The following BTD variants were observed in gnomAD, a reference collection of about 807,000 sequenced individuals.
BTD encodes biotinidase.
A neutral mutation model predicts 17.7 loss-of-function variants in BTD; 13 were observed. The ratio of observed to expected loss-of-function variants is 0.74; its 90% CI spans 0.48 to 1.17. BTD has a LOEUF of 1.17. Among genes scored for constraint, BTD ranks in the 50% most tolerant of loss-of-function variants. The probability of loss-of-function intolerance (pLI) is 0.00; values close to 1 mark genes in which losing one functional copy is unlikely to be tolerated. For synonymous variants in BTD, 240 were observed against 245.2 expected (o/e 0.98, Z 0.20); for missense variants, 674 against 650.4 (o/e 1.04, Z -0.39).
At position 15,648,805 on chromosome 3, in the gene BTD, A is replaced by G. The variant is rs937761627; in HGVS notation, c.*3317A>G. Among the ~76,000 whole-genome samples, 2 of 152,150 alleles carry G rather than the reference A, an allele frequency of 1.3e-5. No homozygotes were observed. The highest frequency in any genetic ancestry group is 4.8e-5 in the African/African-American group (2 of 41,442). ...CTAGAGTAACTGGGCCCTTAATCCA[A>G]TATGACATGTCCTTATCAGAAGAGG... On this transcript the variant is annotated 3_prime_UTR_variant, in exon 4 of 4. Coordinates refer to ENST00000643237, the MANE Select transcript of BTD (RefSeq NM_001370658.1).
At chr3:15,643,306 G>A (rs2065587961) in intron 3 of BTD, among the ~76,000 whole-genome samples, 1 of 152,104 alleles carries the variant, frequency 6.6e-6, no homozygotes, top group Non-Finnish European at 1.5e-5. Context: ...TTCAAGACCA[G>A]CCTGGCCAAC....
At position 15,635,728 on chromosome 3, in the gene BTD, A is replaced by G. The variant is rs757992297; in HGVS notation, c.249+40A>G. 1 of 1,613,354 alleles carries G rather than the reference A, an allele frequency of 6.2e-7. No individual in the cohort carries two copies. Among genetic ancestry groups the G allele is most frequent in the East Asian group, 2.2e-5 (1 of 44,890 alleles). Reference sequence around the variant, plus strand: ...CGGAACCTGAGTTTCTCTCATACAGAGCAGATTGCTCTTTACCCCTTGATC... The same window carrying G: ...CGGAACCTGAGTTTCTCTCATACAGGGCAGATTGCTCTTTACCCCTTGATC... On this transcript the variant is annotated intron_variant, in intron 2 of 3. Coordinates refer to ENST00000643237, the MANE Select transcript of BTD (RefSeq NM_001370658.1). The surrounding 1 kb of genome is among the most constrained non-coding windows in gnomAD (Gnocchi z 4.1).
intron 3 of BTD, among the ~76,000 whole-genome samples, chr3:15,700,169 C>T (rs149724849): frequency 0.018 from 2,792 of 152,170 alleles, 203 homozygotes; most frequent in Admixed American, 0.11. Flanking sequence ...CTCACTCATA[C>T]GTGGGAGCTG....
At chr3:15,627,055 C>T (rs1230430578) in intron 1 of BTD, among the ~76,000 whole-genome samples, 1 of 152,210 alleles carries the variant, frequency 6.6e-6, no homozygotes, top group African/African-American at 2.4e-5. Flanking sequence ...ACACATCTGC[C>T]ATGCCATGGG....
At chr3:15,711,588 A>G (rs750536994) in exon 4 of BTD, among the ~76,000 whole-genome samples, 1 of 152,248 alleles carries the variant, frequency 6.6e-6, no homozygotes, top group Middle Eastern at 3.2e-3. Context: ...CAAATTTTAT[A>G]GAGATGAAAA....
intron 4 of BTD, chr3:15,720,862 T>C: frequency 1.3e-6 from 2 of 1,505,982 alleles, no homozygotes; most frequent in Non-Finnish European, 1.8e-6. Context: ...ACCATTGATG[T>C]TGTTTTAACA....
downstream of BTD, among the ~76,000 whole-genome samples, chr3:15,716,260 G>A (rs187087229): frequency 6.7e-6 from 1 of 150,348 alleles, no homozygotes; most frequent in East Asian, 1.9e-4. Context: ...AGGATTACAG[G>A]CATGAGCCAC....
At chr3:15,643,917 A>G (rs903868629) in intron 3 of BTD, among the ~76,000 whole-genome samples, 5 of 146,656 alleles carry the variant, frequency 3.4e-5, no homozygotes, top group African/African-American at 1.2e-4. Flanking sequence ...GAAAAGAAAG[A>G]AAAAAAAAAG....
intron 3 of BTD, among the ~76,000 whole-genome samples, chr3:15,701,689 G>A (rs1017515712): frequency 6.6e-6 from 1 of 152,046 alleles, no homozygotes; most frequent in Admixed American, 6.5e-5. Context: ...GTTAAAGTGG[G>A]TATCACTATG....
chr3:15,618,777 A>G (rs2455828), intron 1 of BTD, among the ~76,000 whole-genome samples: 77,016 of 152,034 alleles, frequency 0.51, 22,701 homozygotes, highest in African/African-American at 0.81. Context: ...CACCTGCCTC[A>G]GCCTCCCAAA....
At chr3:15,683,175 G>T (rs150105065) in intron 3 of BTD, among the ~76,000 whole-genome samples, 8 of 152,128 alleles carry the variant, frequency 5.3e-5, no homozygotes, top group African/African-American at 1.9e-4. Context: ...TTTTCCAATG[G>T]TTAATCTTCA....
chr3:15,712,386 T>C (rs2072427668), exon 4 of BTD, among the ~76,000 whole-genome samples: 1 of 152,238 alleles, frequency 6.6e-6, no homozygotes, highest in African/African-American at 2.4e-5. Flanking sequence ...GCATAACTTA[T>C]TAGCCAGCTA....
At chr3:15,654,579 C>T (rs570753538), downstream of BTD, among the ~76,000 whole-genome samples, 1 of 152,110 alleles carries the variant, frequency 6.6e-6, no homozygotes, top group East Asian at 1.9e-4. Flanking sequence ...TTAACATTTT[C>T]TAATATAGTC....
chr3:15,619,182 G>T (rs1253430101), intron 1 of BTD, among the ~76,000 whole-genome samples: 1 of 152,214 alleles, frequency 6.6e-6, no homozygotes, highest in Non-Finnish European at 1.5e-5. Flanking sequence ...GCTGTAGGTG[G>T]TTTTTTAAAT....
intron 3 of BTD, among the ~76,000 whole-genome samples, chr3:15,661,516 T>G (rs2065924386): frequency 6.6e-6 from 1 of 152,190 alleles, no homozygotes; most frequent in Non-Finnish European, 1.5e-5. Flanking sequence ...TTCTTATTTG[T>G]GAGTTTTAAG....
chr3:15,660,990 G>T (rs1220607533), intron 3 of BTD, among the ~76,000 whole-genome samples: 1 of 152,142 alleles, frequency 6.6e-6, no homozygotes, highest in African/African-American at 2.4e-5. Flanking sequence ...TCCAAGCTGG[G>T]CATGGTGGGT....
In BTD at chr3:15,644,866, T is replaced by C. The variant is rs1389737771; in HGVS notation, c.950T>C (p.Val317Ala). The C allele has an allele frequency of 1.2e-6, 2 of 1,614,134 alleles. No homozygotes were observed. The highest frequency in any genetic ancestry group is 2.7e-5 in the African/African-American group (2 of 75,038). The change falls in exon 4 of 4, where the codon GTG (valine) becomes GCG (alanine). Residue 317 changes from valine (V) to alanine (A), a missense_variant. Transcript: ENST00000643237. ...NPKSHLIIAQ[V>A]AKNPVGLIGA... The stretch of plus-strand genomic sequence containing the variant: ...AAAAGTCACCTTATAATTGCCCAGG[T>C]GGCCAAAAATCCAGTGGGTCTCATT...
chr3:15,646,353 G>A lies in BTD; in HGVS notation c.*865G>A, dbSNP rs1480989003. The stretch of plus-strand genomic sequence containing the variant: ...GCCCGACTGTGCAGGATGGATTGAT[G>A]CTGGTATAATTTGATCTGGAGCCCT... On this transcript the variant is annotated 3_prime_UTR_variant, in exon 4 of 4. Transcript: ENST00000643237. 6.6e-6 allele frequency: 1 copy of A among 152,246 alleles called. No homozygotes were observed. The highest frequency in any genetic ancestry group is 1.5e-5 in the Non-Finnish European group (1 of 68,050). The allele number at this position is 152,246 out of a possible 1,614,324, so 9.4% of individuals were successfully genotyped here. A position where few individuals can be genotyped will look rare whatever the true frequency, so the allele number is the denominator to read the frequency against.
chr3:15,721,127 T>C lies in BTD; in HGVS notation c.1016-643T>C. 1.2e-6 allele frequency: 2 copies of C among 1,608,488 alleles called. No individual in the cohort carries two copies. Among genetic ancestry groups the C allele is most frequent in the Non-Finnish European group, 8.5e-7 (1 of 1,177,850 alleles). Reference sequence around the variant, plus strand: ...TTTCCATAGGCATTTGGTTCATTCATCTATTAGAAGGGAAAAAAATGCGAA... The same window carrying C: ...TTTCCATAGGCATTTGGTTCATTCACCTATTAGAAGGGAAAAAAATGCGAA... On this transcript the variant is annotated intron_variant, in intron 4 of 4. Transcript: ENST00000672427.
Sources: gnomAD v4.1 joint callset for allele counts (sites outside exome capture counted in the v4.1 genomes callset) on GRCh38, gnomAD v4.1.1 for gene constraint, Gnocchi (gnomAD v3.1) non-coding constraint, MANE v1.5 for transcripts, NCBI Gene and HGNC (gene_info 2026-07-23, HGNC 2026-07-21) for gene names.